DTNA: variants seen among roughly 807,000 people sequenced by gnomAD.
The protein encoded by DTNA is dystrobrevin alpha.
Under a neutral mutation model 100.7 loss-of-function variants are expected in DTNA, and 43 were observed. The observed-to-expected ratio is 0.43, with a 90% CI of 0.33 to 0.55. The LOEUF (loss-of-function observed/expected upper bound fraction) is 0.55. Among genes scored for constraint, DTNA ranks in the 20% least tolerant of loss-of-function variants. DTNA has a pLI of 0.04. For missense variants in DTNA, 798 were observed against 953.9 expected, an observed-to-expected ratio of 0.84 and a Z score of 2.15; for synonymous variants, 349 against 347.9, an observed-to-expected ratio of 1.00 and a Z score of -0.04.
chr18:34,748,803 A>C (rs147802062), intron 1 of DTNA, among the ~76,000 whole-genome samples: 118 of 152,218 alleles, frequency 7.8e-4, no homozygotes, highest in African/African-American at 2.8e-3. Context: ...TTTTGGTTCC[A>C]TGTGAATTTT....
intron 3 of DTNA, among the ~76,000 whole-genome samples, chr18:34,793,258 G>A (rs1170935279): frequency 6.6e-6 from 1 of 152,190 alleles, no homozygotes; most frequent in Non-Finnish European, 1.5e-5. Flanking sequence ...TCTTGGTCGT[G>A]ATCATGGTTT....
intron 16 of DTNA, among the ~76,000 whole-genome samples, chr18:34,862,746 G>C (rs1303651506): frequency 6.6e-6 from 1 of 152,112 alleles, no homozygotes; most frequent in Non-Finnish European, 1.5e-5. Flanking sequence ...GTTACAATCA[G>C]CTATGATTAT....
At chr18:34,528,495 C>CAT (rs1323859247) in intron 1 of DTNA, among the ~76,000 whole-genome samples, 12 of 151,930 alleles carry the variant, frequency 7.9e-5, no homozygotes, top group Admixed American at 5.3e-4. Flanking sequence ...TATACACACA[C>CAT]ATATATTTTT....
chr18:34,814,050 C>T (rs1021226707), intron 6 of DTNA, among the ~76,000 whole-genome samples: 1 of 151,994 alleles, frequency 6.6e-6, no homozygotes, highest in Non-Finnish European at 1.5e-5. Context: ...TCTTTTTTAA[C>T]AATATAAAGT....
chr18:34,534,698 G>A (rs1448076955), intron 1 of DTNA, among the ~76,000 whole-genome samples: 1 of 151,938 alleles, frequency 6.6e-6, no homozygotes, highest in Non-Finnish European at 1.5e-5. Flanking sequence ...CTGTGTCCAT[G>A]TGTTCTCGTT....
chr18:34,689,993 C>T (rs1391803047), intron 1 of DTNA, among the ~76,000 whole-genome samples: 2 of 152,222 alleles, frequency 1.3e-5, no homozygotes, highest in African/African-American at 2.4e-5. Context: ...AAGCCCCTCC[C>T]TCCACCAAAC....
At chr18:34,643,344 A>G (rs1016277513) in intron 1 of DTNA, among the ~76,000 whole-genome samples, 6 of 152,268 alleles carry the variant, frequency 3.9e-5, no homozygotes, top group African/African-American at 1.4e-4. Flanking sequence ...CTCATTAAAA[A>G]GTATGTGATT....
chr18:34,776,373 G>C (rs779083106), intron 3 of DTNA, among the ~76,000 whole-genome samples: 2 of 152,080 alleles, frequency 1.3e-5, no homozygotes, highest in Non-Finnish European at 2.9e-5. Context: ...TTACTCTGTC[G>C]CCCAGGCTGG....
chr18:34,727,817 G>C (rs2087061739), intron 1 of DTNA, among the ~76,000 whole-genome samples: 1 of 152,112 alleles, frequency 6.6e-6, no homozygotes, highest in Admixed American at 6.5e-5. Context: ...CACCCACCTT[G>C]GCCTCCCAAT....
intron 1 of DTNA, among the ~76,000 whole-genome samples, chr18:34,557,369 G>A (rs1207719786): frequency 4.6e-5 from 7 of 151,100 alleles, no homozygotes; most frequent in Non-Finnish European, 7.4e-5. Flanking sequence ...CTCTCAGCTC[G>A]TCAAAGTCAT....
intron 3 of DTNA, among the ~76,000 whole-genome samples, chr18:34,768,202 A>C (rs938071212): frequency 6.6e-6 from 1 of 152,058 alleles, no homozygotes; most frequent in Admixed American, 6.5e-5. Context: ...AGTGGTAGAC[A>C]CTCTGTCCTC....
At chr18:34,731,207 CG>C (rs1372557376) in intron 1 of DTNA, among the ~76,000 whole-genome samples, 5 of 152,160 alleles carry the variant, frequency 3.3e-5, no homozygotes, top group African/African-American at 1.2e-4. Flanking sequence ...TGGCCGGGCG[CG>C]GTGGCTCACG....
At position 34,881,437 on chromosome 18, in the gene DTNA, C is replaced by CTTTTTTTTTTTTTT. The variant is rs752828928; in HGVS notation, c.2163-620_2163-607dup. Among the ~76,000 whole-genome samples, 4 of 51,398 alleles carry CTTTTTTTTTTTTTT rather than the reference C, an allele frequency of 7.8e-5. 1 individual carries two copies. Among genetic ancestry groups the CTTTTTTTTTTTTTT allele is most frequent in the African/African-American group, 3.3e-4 (4 of 11,952 alleles). The allele number at this position is 51,398 out of a possible 152,430, so 33.7% of individuals were successfully genotyped here. On this transcript the variant is annotated intron_variant, in intron 20 of 22. Transcript: ENST00000444659. ...ATAGTGGAATTGGATAATTAAAATG[C>CTTTTTTTTTTTTTT]TTTTTTTTTTTTTTTTTTTTTTTTT...
intron 1 of DTNA, among the ~76,000 whole-genome samples, chr18:34,529,866 G>T (rs530349190): frequency 6.6e-6 from 1 of 152,198 alleles, no homozygotes; most frequent in East Asian, 1.9e-4. Context: ...TTAGAAAAAT[G>T]GAATGTGAGA....
chr18:34,752,289 C>T (rs1475042092), intron 1 of DTNA, among the ~76,000 whole-genome samples: 2 of 152,046 alleles, frequency 1.3e-5, no homozygotes, highest in Non-Finnish European at 2.9e-5. Flanking sequence ...TTGTCAATTT[C>T]CCTCATTTCA....
At chr18:34,763,865 G>C (rs1156357845) in intron 2 of DTNA, among the ~76,000 whole-genome samples, 1 of 152,136 alleles carries the variant, frequency 6.6e-6, no homozygotes, top group Non-Finnish European at 1.5e-5. Flanking sequence ...TGGCTGTGGA[G>C]TTGAACATCT....
chr18:34,758,950 T>A (rs970994808), intron 2 of DTNA, among the ~76,000 whole-genome samples: 2 of 152,142 alleles, frequency 1.3e-5, no homozygotes, highest in Non-Finnish European at 2.9e-5. Context: ...CTCATTACTA[T>A]AAGCAGCAGA....
chr18:34,864,403 G>A (rs1200825898), intron 17 of DTNA, among the ~76,000 whole-genome samples: 1 of 152,032 alleles, frequency 6.6e-6, no homozygotes, highest in Non-Finnish European at 1.5e-5. Context: ...ACAGGCCCCC[G>A]CCACCGCGCC....
chr18:34,544,034 C>G (rs1419086301), intron 1 of DTNA, among the ~76,000 whole-genome samples: 1 of 151,988 alleles, frequency 6.6e-6, no homozygotes, highest in Non-Finnish European at 1.5e-5. Flanking sequence ...CATAAAAAGC[C>G]AGTTAGTAGG....
Sources: allele counts gnomAD v4.1 joint callset (sites outside exome capture counted in the v4.1 genomes callset), GRCh38; gene constraint gnomAD v4.1.1; transcripts MANE v1.5; gene names NCBI Gene and HGNC (gene_info 2026-07-23, HGNC 2026-07-21).